B3GALT1: variants seen among roughly 807,000 people sequenced by gnomAD.
The protein encoded by B3GALT1 is UDP-Gal:betaGlcNAc beta 1,3-galactosyltransferase, polypeptide 1.
In B3GALT1, 10 loss-of-function variants were observed where a neutral mutation model predicts 23.2. That is an observed-to-expected ratio of 0.43 (90% CI 0.27 to 0.73). B3GALT1 has a LOEUF of 0.73. Ranked by LOEUF, B3GALT1 falls within the 30% of genes least tolerant of loss-of-function variation. The probability of loss-of-function intolerance (pLI) is 0.21; values close to 1 mark genes in which losing one functional copy is unlikely to be tolerated. For synonymous variants in B3GALT1, 156 were observed against 141.5 expected, an observed-to-expected ratio of 1.10 and a Z score of -0.73; for missense variants, 299 against 405.4, an observed-to-expected ratio of 0.74 and a Z score of 2.25.
intron 3 of B3GALT1, among the ~76,000 whole-genome samples, chr2:167,773,531 A>G (rs1688108067): frequency 6.6e-6 from 1 of 151,162 alleles, no homozygotes; most frequent in African/African-American, 2.4e-5. Context: ...AGTTAAAAAT[A>G]TAAGAAGGAA....
chr2:167,461,347 A>C (rs1024706338), intron 1 of B3GALT1, among the ~76,000 whole-genome samples: 4 of 152,178 alleles, frequency 2.6e-5, no homozygotes, highest in African/African-American at 9.7e-5. Flanking sequence ...AAAGTTTCAA[A>C]CCTTCCATAG....
At chr2:167,644,711 C>T (rs773966923) in intron 2 of B3GALT1, among the ~76,000 whole-genome samples, 4 of 137,568 alleles carry the variant, frequency 2.9e-5, no homozygotes, top group Non-Finnish European at 6.1e-5. Flanking sequence ...ACCCGGGAGG[C>T]GGAGCTTGCA....
chr2:167,674,615 A>C (rs1686390882), intron 3 of B3GALT1, among the ~76,000 whole-genome samples: 1 of 152,208 alleles, frequency 6.6e-6, no homozygotes, highest in South Asian at 2.1e-4. Context: ...GGTATCTCAA[A>C]GGAGCCTATT....
intron 3 of B3GALT1, among the ~76,000 whole-genome samples, chr2:167,783,861 T>A (rs1013055079): frequency 6.6e-6 from 1 of 152,168 alleles, no homozygotes; most frequent in Admixed American, 6.5e-5. Flanking sequence ...TCTCATTAGA[T>A]TTGAAAGCCA....
At chr2:167,778,189 A>T (rs923595570) in intron 3 of B3GALT1, among the ~76,000 whole-genome samples, 1 of 152,186 alleles carries the variant, frequency 6.6e-6, no homozygotes, top group African/African-American at 2.4e-5. Flanking sequence ...TTAGAGAATA[A>T]GATAGTAAGA....
At chr2:167,486,147 T>G (rs984089696) in intron 1 of B3GALT1, among the ~76,000 whole-genome samples, 1 of 152,044 alleles carries the variant, frequency 6.6e-6, no homozygotes, top group Non-Finnish European at 1.5e-5. Context: ...GATCACAAGG[T>G]CAAGAGATCA....
At chr2:167,801,285 C>T (rs916784237) in intron 3 of B3GALT1, among the ~76,000 whole-genome samples, 1 of 152,044 alleles carries the variant, frequency 6.6e-6, no homozygotes, top group Admixed American at 6.6e-5. Context: ...TGTATTCTCT[C>T]TGAATGAATA....
At chr2:167,358,691 T>A (rs1574047421) in intron 1 of B3GALT1, among the ~76,000 whole-genome samples, 1 of 152,328 alleles carries the variant, frequency 6.6e-6, no homozygotes, top group Admixed American at 6.5e-5. Context: ...TATATTGGAA[T>A]TATTAACACT....
At chr2:167,598,367 G>A (rs930304694) in intron 2 of B3GALT1, among the ~76,000 whole-genome samples, 1 of 151,964 alleles carries the variant, frequency 6.6e-6, no homozygotes, top group African/African-American at 2.4e-5. Context: ...AATATCAAAA[G>A]GAAGTTTTTA....
At chr2:167,670,713 A>C (rs756139801) in intron 3 of B3GALT1, among the ~76,000 whole-genome samples, 1 of 152,236 alleles carries the variant, frequency 6.6e-6, no homozygotes, top group Non-Finnish European at 1.5e-5. Flanking sequence ...AATCATGAAA[A>C]AGAACCAAAC....
chr2:167,394,022 C>A (rs1352334897), intron 1 of B3GALT1, among the ~76,000 whole-genome samples: 2 of 152,140 alleles, frequency 1.3e-5, no homozygotes, highest in East Asian at 3.9e-4. Flanking sequence ...AATTTTGTTC[C>A]AGTTACCAGA....
intron 4 of B3GALT1, among the ~76,000 whole-genome samples, chr2:167,846,192 G>A (rs768674959): frequency 2.0e-5 from 3 of 152,162 alleles, no homozygotes; most frequent in Non-Finnish European, 4.4e-5. Context: ...GAGAAAAATC[G>A]AGGAAAACTT....
chr2:167,525,287 C>T (rs59149606), intron 2 of B3GALT1, among the ~76,000 whole-genome samples: 58,937 of 151,776 alleles, frequency 0.39, 12,486 homozygotes, highest in East Asian at 0.88. Context: ...TTGTTTGGTA[C>T]GTTTTCCTTT....
At chr2:167,826,653 A>C (rs1251892377) in intron 4 of B3GALT1, among the ~76,000 whole-genome samples, 2 of 152,210 alleles carry the variant, frequency 1.3e-5, no homozygotes, top group East Asian at 3.8e-4. Context: ...AGGGATGTTT[A>C]TGGCACATAT....
chr2:167,698,601 A>C (rs1686823031), intron 3 of B3GALT1, among the ~76,000 whole-genome samples: 2 of 152,178 alleles, frequency 1.3e-5, no homozygotes, highest in South Asian at 4.1e-4. Context: ...TTTCTGATTA[A>C]GGGGCAAAGA....
chr2:167,484,155 T>G (rs1699594641), intron 1 of B3GALT1, among the ~76,000 whole-genome samples: 1 of 152,178 alleles, frequency 6.6e-6, no homozygotes, highest in Admixed American at 6.6e-5. Context: ...ATGTGAAAAT[T>G]TTCGCCTAAG....
intron 2 of B3GALT1, among the ~76,000 whole-genome samples, chr2:167,584,626 C>T (rs1301192657): frequency 6.6e-6 from 1 of 152,194 alleles, no homozygotes; most frequent in Admixed American, 6.5e-5. Context: ...ATCGCAAGCC[C>T]TAAGTTGTTT....
chr2:167,755,005 A>G (rs922543971), intron 3 of B3GALT1, among the ~76,000 whole-genome samples: 1 of 151,932 alleles, frequency 6.6e-6, no homozygotes, highest in Admixed American at 6.5e-5. Flanking sequence ...TTCATTCTTG[A>G]GCAGTGTCTA....
Position 167,293,197 on chromosome 2 carries a change from G to A in B3GALT1, c.-648G>A, listed in dbSNP as rs1311608742. On this transcript the variant is annotated 5_prime_UTR_variant, in exon 1 of 5. Transcript: ENST00000392690. ...GGCCGAGAGAGCGGAGCACGAGGAG[G>A]CGGGGGCGGCAGAGAAGTGATGCTG... is the stretch of plus-strand genomic sequence containing the variant. The A allele has an allele frequency of 6.6e-6, 1 of 151,930 alleles. No homozygotes were observed. Among genetic ancestry groups the A allele is most frequent in the East Asian group, 1.9e-4 (1 of 5,144 alleles). 9.4% of individuals were successfully genotyped at this position (151,930 alleles called of 1,614,324 possible).
Sources: gnomAD v4.1 joint callset for allele counts (sites outside exome capture counted in the v4.1 genomes callset) on GRCh38, gnomAD v4.1.1 for gene constraint, MANE v1.5 for transcripts, NCBI Gene and HGNC (gene_info 2026-07-23, HGNC 2026-07-21) for gene names.